Variants in FRMD4A observed in about 807,000 individuals in gnomAD.
The protein encoded by FRMD4A is FERM domain containing 4A.
In FRMD4A, 29 loss-of-function variants were observed where a neutral mutation model predicts 129.1. That is an observed-to-expected ratio of 0.22 (90% CI 0.17 to 0.31). The LOEUF is 0.31. FRMD4A is among the 10% of genes least tolerant of loss of function. The pLI is 1.00. For synonymous variants in FRMD4A, 634 were observed against 571.6 expected (o/e 1.11, Z -1.56); for missense variants, 1,272 against 1,375.8 (o/e 0.92, Z 1.19).
At chr10:14,143,766 C>T (rs1839948927) in intron 2 of FRMD4A, among the ~76,000 whole-genome samples, 1 of 152,074 alleles carries the variant, frequency 6.6e-6, no homozygotes, top group African/African-American at 2.4e-5. Context: ...AGGTACCCAC[C>T]ATCATGCCTG....
chr10:13,927,276 G>T (rs1046302378), intron 2 of FRMD4A, among the ~76,000 whole-genome samples: 3 of 151,680 alleles, frequency 2.0e-5, no homozygotes, highest in Non-Finnish European at 2.9e-5. Flanking sequence ...AAAAAAATTC[G>T]GTTGAGAATG....
At chr10:13,974,783 T>C (rs926252527) in intron 2 of FRMD4A, among the ~76,000 whole-genome samples, 2 of 152,182 alleles carry the variant, frequency 1.3e-5, no homozygotes, top group Admixed American at 6.5e-5. Context: ...CGCCTCGCTC[T>C]CCCAAAGTGC....
chr10:13,871,076 C>T (rs2094433839), intron 2 of FRMD4A: 1 of 159,316 alleles, frequency 6.3e-6, no homozygotes, highest in Non-Finnish European at 1.4e-5. Context: ...CAATGAAGAC[C>T]CCATTATGGG....
intron 2 of FRMD4A, among the ~76,000 whole-genome samples, chr10:13,986,824 C>A (rs940216879): frequency 6.6e-6 from 1 of 151,696 alleles, no homozygotes; most frequent in South Asian, 2.1e-4. Context: ...AGGAGAAGAA[C>A]CACTGCTGTA....
chr10:13,876,453 TC>T (rs2094490129), intron 2 of FRMD4A, among the ~76,000 whole-genome samples: 1 of 152,182 alleles, frequency 6.6e-6, no homozygotes, highest in Non-Finnish European at 1.5e-5. Context: ...TGGTCGAACA[TC>T]CCCTATTTAA....
At chr10:13,864,654 C>T (rs897326999) in intron 2 of FRMD4A, among the ~76,000 whole-genome samples, 2 of 150,944 alleles carry the variant, frequency 1.3e-5, no homozygotes, top group Non-Finnish European at 2.9e-5. Context: ...TGGCTCACTG[C>T]AACTTCTGCC....
In FRMD4A at chr10:13,786,643, G is replaced by C. The variant is rs546214890; in HGVS notation, c.300-3637C>G. On this transcript the variant is annotated intron_variant, in intron 5 of 24. Coordinates refer to ENST00000357447, the MANE Select transcript of FRMD4A (RefSeq NM_018027.5). ...AATAAATCTACATCCTTTGCAAAGG[G>C]CCTCTGGCAAAGGGTAGGCAGAATA... is the stretch of plus-strand genomic sequence containing the variant. Among the ~76,000 whole-genome samples the C allele has an allele frequency of 5.9e-5, 9 of 152,138 alleles. No individual in the cohort carries two copies. The East Asian group carries it at 1.7e-3, about 29-fold the overall frequency.
In FRMD4A at chr10:14,113,911, C is replaced by T. The variant is rs183194236; in HGVS notation, c.45+216147G>A. On this transcript the variant is annotated intron_variant, in intron 2 of 24. Coordinates refer to ENST00000357447, the MANE Select transcript of FRMD4A (RefSeq NM_018027.5). Reference sequence around the variant, plus strand: ...CTGAATAATCTGGGAGTCACATCTCCGAGCCTCTGCTGCTCTGCATCCCAC... The same window carrying T: ...CTGAATAATCTGGGAGTCACATCTCTGAGCCTCTGCTGCTCTGCATCCCAC... Among the ~76,000 whole-genome samples the T allele has an allele frequency of 2.1e-3, 324 of 152,260 alleles. 2 individuals are homozygous for T. The highest frequency in any genetic ancestry group is 7.5e-3 in the African/African-American group (310 of 41,548).
At chr10:14,045,272 C>T (rs1456283014) in intron 2 of FRMD4A, among the ~76,000 whole-genome samples, 1 of 152,150 alleles carries the variant, frequency 6.6e-6, no homozygotes, top group African/African-American at 2.4e-5. Flanking sequence ...TTCAGCACAC[C>T]TTTGCCTTTC....
At chr10:14,100,323 T>G (rs542165359) in intron 2 of FRMD4A, among the ~76,000 whole-genome samples, 3 of 152,332 alleles carry the variant, frequency 2.0e-5, no homozygotes, top group Non-Finnish European at 4.4e-5. Context: ...AGCCAGAGCT[T>G]GAGACTCTTG....
intron 2 of FRMD4A, among the ~76,000 whole-genome samples, chr10:14,108,886 G>A (rs1837723532): frequency 6.6e-6 from 1 of 152,080 alleles, no homozygotes; most frequent in Admixed American, 6.5e-5. Context: ...AAATTCCTAT[G>A]GACTCCTACA....
In FRMD4A at chr10:13,802,765, C is replaced by T. The variant is rs139286432; in HGVS notation, c.207-6177G>A. Among the ~76,000 whole-genome samples the T allele has an allele frequency of 1.4e-4, 22 of 152,246 alleles. No individual in the cohort carries two copies. In the East Asian group the frequency reaches 3.7e-3, roughly 25 times the overall value. ...CTGGGATTACAGGTGTTAGTCACCACACGTGGCCAAGTGTATGAAATGCTT... is the reference window on the plus strand; with the variant it reads ...CTGGGATTACAGGTGTTAGTCACCATACGTGGCCAAGTGTATGAAATGCTT... On this transcript the variant is annotated intron_variant, in intron 4 of 24. Coordinates refer to ENST00000357447, the MANE Select transcript of FRMD4A (RefSeq NM_018027.5).
chr10:14,273,463 A>G (rs1478210142), intron 2 of FRMD4A, among the ~76,000 whole-genome samples: 1 of 152,198 alleles, frequency 6.6e-6, no homozygotes, highest in Non-Finnish European at 1.5e-5. Context: ...ATTTTTCCAA[A>G]TGAAATATTA....
At chr10:13,948,672 G>C (rs2095350446) in intron 2 of FRMD4A, among the ~76,000 whole-genome samples, 1 of 110,864 alleles carries the variant, frequency 9.0e-6, no homozygotes, top group Non-Finnish European at 1.8e-5. Context: ...TTTTTTTTGA[G>C]ACAGAGTCTC....
chr10:14,083,377 A>C (rs1305058600), intron 2 of FRMD4A: 1 of 152,264 alleles, frequency 6.6e-6, no homozygotes, highest in African/African-American at 2.4e-5. Flanking sequence ...TGAGGGATGG[A>C]TTCAGAAGAG....
chr10:13,672,109 G>T (rs574990308), intron 16 of FRMD4A, among the ~76,000 whole-genome samples: 1 of 152,198 alleles, frequency 6.6e-6, no homozygotes, highest in South Asian at 2.1e-4. Flanking sequence ...GTGTGTGCGT[G>T]TGTACATGTG....
intron 2 of FRMD4A, among the ~76,000 whole-genome samples, chr10:13,994,165 C>A (rs779850643): frequency 6.9e-6 from 1 of 145,362 alleles, no homozygotes; most frequent in Admixed American, 7.1e-5. Context: ...TGTGCCACCA[C>A]GCCCAGCTAA....
chr10:13,724,692 G>A (rs2015015), intron 12 of FRMD4A, among the ~76,000 whole-genome samples: 54,287 of 152,098 alleles, frequency 0.36, 9,801 homozygotes, highest in East Asian at 0.43. Flanking sequence ...CGGCTGCTAC[G>A]TCATCTGGCT....
intron 2 of FRMD4A, among the ~76,000 whole-genome samples, chr10:14,166,588 G>C (rs1298629092): frequency 6.6e-6 from 1 of 152,212 alleles, no homozygotes; most frequent in Non-Finnish European, 1.5e-5. Flanking sequence ...CCAAACCAAA[G>C]TCAATGTTCA....
Sources: allele counts gnomAD v4.1 joint callset (sites outside exome capture counted in the v4.1 genomes callset), GRCh38; gene constraint gnomAD v4.1.1; transcripts MANE v1.5; gene names NCBI Gene and HGNC (gene_info 2026-07-23, HGNC 2026-07-21).